The following ADGRL3 variants were observed in gnomAD, a reference collection of about 807,000 sequenced individuals.
ADGRL3 encodes the protein adhesion G protein-coupled receptor L3.
Under a neutral mutation model 153.5 loss-of-function variants are expected in ADGRL3, and 62 were observed. The ratio of observed to expected loss-of-function variants is 0.40; its 90% CI spans 0.33 to 0.50. The LOEUF (loss-of-function observed/expected upper bound fraction) is 0.50. Ranked by LOEUF, ADGRL3 falls within the 20% of genes least tolerant of loss-of-function variation. The pLI is 0.47. For synonymous variants in ADGRL3, 710 were observed against 672.5 expected (o/e 1.06, Z -0.86); for missense variants, 1,641 against 1,859.4 (o/e 0.88, Z 2.16).
chr4:61,822,989 G>GATCACTGTTCCAGAGAAGAGAA (rs1296728945), intron 9 of ADGRL3, among the ~76,000 whole-genome samples: 1 of 152,104 alleles, frequency 6.6e-6, no homozygotes, highest in African/African-American at 2.4e-5. Context: ...TTCTCCCCTT[G>GATCACTGTTCCAGAGAAGAGAA]ATCACTGTTC....
intron 6 of ADGRL3, among the ~76,000 whole-genome samples, chr4:61,707,971 C>T (rs1580381630): frequency 6.6e-6 from 1 of 152,062 alleles, no homozygotes; most frequent in East Asian, 1.9e-4. Context: ...TATTCTCTCT[C>T]TTCTTTTGTG....
chr4:61,398,953 C>T (rs2096898791), intron 2 of ADGRL3, among the ~76,000 whole-genome samples: 1 of 151,620 alleles, frequency 6.6e-6, no homozygotes, highest in Non-Finnish European at 1.5e-5. Flanking sequence ...CATATATGTG[C>T]TTTTTCTTCC....
chr4:61,725,541 G>C (rs955094271), intron 6 of ADGRL3, among the ~76,000 whole-genome samples: 1 of 149,620 alleles, frequency 6.7e-6, no homozygotes, highest in Non-Finnish European at 1.5e-5. Context: ...CTTGCAGTGA[G>C]CCAAGATTGC....
intron 1 of ADGRL3, among the ~76,000 whole-genome samples, chr4:61,299,720 G>T (rs902563750): frequency 1.3e-5 from 2 of 152,048 alleles, no homozygotes; most frequent in Non-Finnish European, 1.5e-5. Flanking sequence ...ATACGTGAGG[G>T]CTATTGGTAA....
chr4:61,470,842 C>T (rs2097942200), intron 2 of ADGRL3, among the ~76,000 whole-genome samples: 1 of 151,574 alleles, frequency 6.6e-6, no homozygotes, highest in Non-Finnish European at 1.5e-5. Context: ...TTTCATTTAC[C>T]ACCCGAAGGA....
chr4:61,368,318 A>G (rs960470164), intron 1 of ADGRL3, among the ~76,000 whole-genome samples: 12 of 152,144 alleles, frequency 7.9e-5, no homozygotes, highest in Middle Eastern at 3.2e-3. Context: ...TATGTCCTGA[A>G]TGGTAATGCC....
In ADGRL3 at chr4:61,787,136, T is replaced by C. The variant is rs796616660; in HGVS notation, c.1400-26673T>C. On this transcript the variant is annotated intron_variant, in intron 8 of 26. Coordinates refer to ENST00000683033, the MANE Select transcript of ADGRL3 (RefSeq NM_001387552.1). ...AAAGATAAAAGGATTCCTCTTATAT[T>C]CTATAAATGATAAAATTTGTGAATA... Among the ~76,000 whole-genome samples, 23 of 152,262 alleles carry C rather than the reference T, an allele frequency of 1.5e-4. 1 individual carries two copies. The highest frequency in any genetic ancestry group is 5.3e-4 in the African/African-American group (22 of 41,570).
rs897185551 is a variant in ADGRL3 at position 61,444,015 on chromosome 4, G to A, written c.-173-53106G>A. On this transcript the variant is annotated intron_variant, in intron 2 of 26. Transcript: ENST00000683033. ...AGCGTGAGTGTCATTGAGAAACAAT[G>A]ACAGGAATGTATTTATATTTTGTAA... Among the ~76,000 whole-genome samples the A allele has an allele frequency of 2.0e-5, 3 of 152,132 alleles. No homozygotes were observed. In the East Asian group the frequency reaches 5.8e-4, roughly 29 times the overall value.
intron 1 of ADGRL3, among the ~76,000 whole-genome samples, chr4:61,373,665 T>A (rs2096568518): frequency 1.3e-5 from 2 of 152,344 alleles, no homozygotes; most frequent in South Asian, 4.1e-4. Context: ...GTTCTTTGAC[T>A]TTTGTTATTC....
intron 10 of ADGRL3, among the ~76,000 whole-genome samples, chr4:61,894,359 T>TA (rs1216270725): frequency 6.6e-6 from 1 of 152,130 alleles, no homozygotes; most frequent in Non-Finnish European, 1.5e-5. Context: ...TTGGTTTTTA[T>TA]AAAAAATACA....
rs149889798 is a variant in ADGRL3, at chr4:61,816,932, T to C, written c.1480+3043T>C. Among the ~76,000 whole-genome samples, 738 of 152,188 alleles carry C rather than the reference T, an allele frequency of 4.8e-3. 12 individuals carry two copies. Among genetic ancestry groups the C allele is most frequent in the Middle Eastern group, 0.01 (3 of 294 alleles). On this transcript the variant is annotated intron_variant, in intron 9 of 26. Coordinates refer to ENST00000683033, the MANE Select transcript of ADGRL3 (RefSeq NM_001387552.1). ...AAGTACCTGTTCCTGCTCCCTGACCTCTCCCTGCTCCTGGTGCCCACTCCA... is the reference window on the plus strand; with the variant it reads ...AAGTACCTGTTCCTGCTCCCTGACCCCTCCCTGCTCCTGGTGCCCACTCCA...
At chr4:61,346,308 TACACACACACAC>T (rs10693257) in intron 1 of ADGRL3, among the ~76,000 whole-genome samples, 4 of 144,544 alleles carry the variant, frequency 2.8e-5, no homozygotes, top group Admixed American at 1.4e-4. Context: ...TGTCACAGTC[TACACACACACAC>T]ACACACACAC....
chr4:61,294,607 T>C (rs2094339805), intron 1 of ADGRL3, among the ~76,000 whole-genome samples: 1 of 152,164 alleles, frequency 6.6e-6, no homozygotes, highest in African/African-American at 2.4e-5. Context: ...CAAATTATTT[T>C]TCTTACTGGT....
intron 15 of ADGRL3, among the ~76,000 whole-genome samples, chr4:61,941,172 C>G (rs2098890738): frequency 1.0e-5 from 1 of 98,096 alleles, no homozygotes; most frequent in African/African-American, 4.2e-5. Flanking sequence ...TTCCCAGCAC[C>G]ATTTATTAAA....
chr4:61,707,288 A>G (rs2095872805), intron 6 of ADGRL3, among the ~76,000 whole-genome samples: 2 of 152,234 alleles, frequency 1.3e-5, no homozygotes, highest in South Asian at 4.1e-4. Flanking sequence ...AATGTGACAC[A>G]GAGACACCAA....
chr4:61,741,332 A>G (rs941366844), intron 8 of ADGRL3, among the ~76,000 whole-genome samples: 5 of 152,212 alleles, frequency 3.3e-5, no homozygotes, highest in African/African-American at 1.2e-4. Flanking sequence ...CTAAAGTTTA[A>G]TTTACATCTA....
intron 2 of ADGRL3, among the ~76,000 whole-genome samples, chr4:61,461,805 G>T (rs1466804554): frequency 3.3e-5 from 5 of 152,134 alleles, no homozygotes; most frequent in Admixed American, 6.5e-5. Flanking sequence ...ACCCAGGCTG[G>T]ATCAATGACT....
intron 9 of ADGRL3, among the ~76,000 whole-genome samples, chr4:61,849,504 G>T (rs2098176246): frequency 6.6e-6 from 1 of 151,480 alleles, no homozygotes; most frequent in Non-Finnish European, 1.5e-5. Context: ...TGTGGAATAT[G>T]ATTCAAAAAC....
At chr4:61,413,061 TC>T (rs1407609683) in intron 2 of ADGRL3, among the ~76,000 whole-genome samples, 7 of 152,194 alleles carry the variant, frequency 4.6e-5, no homozygotes, top group African/African-American at 7.2e-5. Context: ...TGAGCTGGTT[TC>T]TTTTCTCACA....
Sources: allele counts gnomAD v4.1 joint callset (sites outside exome capture counted in the v4.1 genomes callset), GRCh38; gene constraint gnomAD v4.1.1; transcripts MANE v1.5; gene names NCBI Gene and HGNC (gene_info 2026-07-23, HGNC 2026-07-21).